The following FAM120C variants were observed in gnomAD, a reference collection of about 807,000 sequenced individuals.
FAM120C encodes family with sequence similarity 120 member C, also known as constitutive coactivator of PPAR-gamma-like protein 2.
In FAM120C, 14 loss-of-function variants were observed where a neutral mutation model predicts 71.2. The ratio of observed to expected loss-of-function variants is 0.20; its 90% CI spans 0.13 to 0.31. The LOEUF is 0.31. Among genes scored for constraint, FAM120C ranks in the 10% least tolerant of loss-of-function variants. FAM120C has a pLI of 1.00. For synonymous variants in FAM120C, 354 were observed against 353.2 expected (o/e 1.00, Z -0.03); for missense variants, 500 against 879.0 (o/e 0.57, Z 5.45).
chrX:54,153,865 C>T (rs1404960494), intron 3 of FAM120C, among the ~76,000 whole-genome samples: 1 of 108,837 alleles, frequency 9.2e-6, no homozygotes, highest in Non-Finnish European at 1.9e-5. Flanking sequence ...CACGCCCGGC[C>T]TTTTAAAAAA....
intron 4 of FAM120C, among the ~76,000 whole-genome samples, chrX:54,141,423 G>A (rs1557131645): frequency 9.0e-6 from 1 of 110,803 alleles, no homozygotes; most frequent in East Asian, 2.8e-4. Context: ...AATATATGTG[G>A]AAAAATGCAA....
chrX:54,166,969 A>G (rs1449346431), intron 1 of FAM120C, among the ~76,000 whole-genome samples: 2 of 111,631 alleles, frequency 1.8e-5, no homozygotes, highest in East Asian at 5.6e-4. Flanking sequence ...GGGAAAAAAA[A>G]AAGCAAACAA....
chrX:54,115,610 C>T (rs1472096916), intron 10 of FAM120C, among the ~76,000 whole-genome samples: 1 of 111,527 alleles, frequency 9.0e-6, no homozygotes, highest in African/African-American at 3.3e-5. Flanking sequence ...TAAACTGACT[C>T]AGGAACACAA....
Position 54,182,972 on chromosome X carries a change from G to T in FAM120C, c.227C>A (p.Ser76Tyr), listed in dbSNP as rs1303420196. 1.2e-5 allele frequency: 14 copies of T among 1,162,145 alleles called. No homozygotes were observed. Among genetic ancestry groups the T allele is most frequent in the South Asian group, 1.9e-5 (1 of 52,387 alleles). ...PLPPAALGAY[S>Y]GGAGPTRHHH... ...GTGCCGAGTCGGCCCCGCGCCCCCGGAGTAGGCACCCAAGGCAGCGGGCGG... is the reference window on the plus strand; with the variant it reads ...GTGCCGAGTCGGCCCCGCGCCCCCGTAGTAGGCACCCAAGGCAGCGGGCGG... The change falls in exon 1 of 16, where the codon TCC (serine) becomes TAC (tyrosine). Residue 76 changes from serine (S) to tyrosine (Y), a missense_variant. This residue lies in a region of FAM120C where 79 missense variants were observed against 78.3 expected (regional missense o/e 1.01). Transcript: ENST00000375180.
chrX:54,174,000 G>A (rs782104530), intron 1 of FAM120C: 151 of 470,679 alleles, frequency 3.2e-4, no homozygotes, highest in Non-Finnish European at 5.4e-4. Context: ...GCTCACTCAC[G>A]TACGTGGCTG....
chrX:54,071,995 T>TAC lies in FAM120C; in HGVS notation c.*1036_*1037dup, dbSNP rs1569531141. 9.7e-6 allele frequency: 1 copy of TAC among 103,558 alleles called. No individual in the cohort carries two copies. The highest frequency in any genetic ancestry group is 3.5e-5 in the African/African-American group (1 of 28,405). The allele number at this position is 103,558 out of a possible 1,213,427, so 8.5% of individuals were successfully genotyped here. A position where few individuals can be genotyped will look rare whatever the true frequency, so the allele number is the denominator to read the frequency against. On this transcript the variant is annotated 3_prime_UTR_variant, in exon 16 of 16. Coordinates refer to ENST00000375180, the MANE Select transcript of FAM120C (RefSeq NM_017848.6). ...GTGTATATATGTGTGTATATATATA[T>TAC]ACACACATATATACACACATACACA...
Position 54,149,664 on chromosome X carries a change from G to C in FAM120C, c.1158+1581C>G, listed in dbSNP as rs2067175266. On this transcript the variant is annotated intron_variant, in intron 4 of 15. Coordinates refer to ENST00000375180, the MANE Select transcript of FAM120C (RefSeq NM_017848.6). ...CAAAAAAAAAAAAAAATCACATACT[G>C]TATGATTCATGTGATATTCTTTAGA... Among the ~76,000 whole-genome samples the C allele has an allele frequency of 4.6e-5, 5 of 109,579 alleles. No homozygotes were observed. In the South Asian group the frequency reaches 2.0e-3, roughly 43 times the overall value.
chrX:54,131,329 C>T (rs1034486097), intron 9 of FAM120C, among the ~76,000 whole-genome samples: 1 of 109,734 alleles, frequency 9.1e-6, no homozygotes, highest in Non-Finnish European at 1.9e-5. Flanking sequence ...AGTGCAGTGG[C>T]GCGATCACAG....
At chrX:54,172,489 GTTCTTAACAC>G (rs2067293428) in intron 1 of FAM120C, among the ~76,000 whole-genome samples, 2 of 112,333 alleles carry the variant, frequency 1.8e-5, no homozygotes, top group Admixed American at 1.9e-4. Flanking sequence ...GGGTCCAACA[GTTCTTAACAC>G]TATTGCAGAA....
chrX:54,170,068 A>C (rs1245919071), intron 1 of FAM120C, among the ~76,000 whole-genome samples: 3 of 112,051 alleles, frequency 2.7e-5, no homozygotes, highest in African/African-American at 9.7e-5. Context: ...GAGGTAGTAG[A>C]ATACTGATCC....
At chrX:54,099,740 A>T (rs2066873071) in intron 10 of FAM120C, among the ~76,000 whole-genome samples, 1 of 112,208 alleles carries the variant, frequency 8.9e-6, no homozygotes. Flanking sequence ...CCCCCATTGA[A>T]TTATCTTGGC....
In FAM120C at chrX:54,183,236, G is replaced by C. The variant is rs1431722263; in HGVS notation, c.-38C>G. On this transcript the variant is annotated 5_prime_UTR_variant, in exon 1 of 16. Coordinates refer to ENST00000375180, the MANE Select transcript of FAM120C (RefSeq NM_017848.6). ...GGCAGACGCGATAGCGGCTGCGCAA[G>C]CAGGATAGGCGACGATCTGGGCGCG... The C allele has an allele frequency of 8.9e-6, 9 of 1,014,675 alleles. No homozygotes were observed. The highest frequency in any genetic ancestry group is 4.2e-5 in the African/African-American group (2 of 47,984). 83.6% of individuals were successfully genotyped at this position (1,014,675 alleles called of 1,213,427 possible). A position where few individuals can be genotyped will look rare whatever the true frequency, so the allele number is the denominator to read the frequency against.
At chrX:54,175,509 AC>A (rs1400541001) in intron 1 of FAM120C, among the ~76,000 whole-genome samples, 7 of 107,775 alleles carry the variant, frequency 6.5e-5, no homozygotes, top group African/African-American at 1.7e-4. Flanking sequence ...GATATTTTAT[AC>A]TTTTTTTTTT....
chrX:54,145,466 AT>A (rs2067149986), intron 4 of FAM120C, among the ~76,000 whole-genome samples: 1 of 112,216 alleles, frequency 8.9e-6, no homozygotes, highest in African/African-American at 3.2e-5. Context: ...CAAGAAAAAA[AT>A]CAAACAACCC....
chrX:54,166,776 C>A (rs1284972738), intron 1 of FAM120C, among the ~76,000 whole-genome samples: 3 of 111,710 alleles, frequency 2.7e-5, no homozygotes, highest in African/African-American at 9.8e-5. Context: ...TCCATAGTAT[C>A]TCTGAAAGAA....
At chrX:54,090,744 T>C (rs1271899849) in intron 11 of FAM120C, among the ~76,000 whole-genome samples, 2 of 111,222 alleles carry the variant, frequency 1.8e-5, no homozygotes, top group Non-Finnish European at 3.8e-5. Flanking sequence ...CAACACAAAA[T>C]AGACTAATAT....
intron 10 of FAM120C, among the ~76,000 whole-genome samples, chrX:54,098,671 T>C (rs2066866737): frequency 8.9e-6 from 1 of 111,783 alleles, no homozygotes; most frequent in East Asian, 2.8e-4. Context: ...CCACCCAGGC[T>C]GAACTGCAGT....
At chrX:54,118,691 C>CTTT (rs1225428604) in intron 9 of FAM120C, among the ~76,000 whole-genome samples, 1 of 34,636 alleles carries the variant, frequency 2.9e-5, no homozygotes, top group Non-Finnish European at 5.7e-5. Flanking sequence ...TTGTATTTTT[C>CTTT]TTTTTTTCTT....
chrX:54,173,393 C>T (rs931626758), intron 1 of FAM120C, among the ~76,000 whole-genome samples: 1 of 111,969 alleles, frequency 8.9e-6, no homozygotes. Context: ...GGATTACAGG[C>T]ATGCGCCACC....
Sources: gnomAD v4.1 joint callset for allele counts (sites outside exome capture counted in the v4.1 genomes callset) on GRCh38, gnomAD v4.1.1 for gene constraint, gnomAD v4.1.1 regional missense constraint, MANE v1.5 for transcripts, NCBI Gene and HGNC (gene_info 2026-07-23, HGNC 2026-07-21) for gene names.